NFAT5: variants seen among roughly 807,000 people sequenced by gnomAD.
NFAT5 encodes nuclear factor of activated T-cells 5.
NFAT5 carries 31 observed loss-of-function variants against 166.5 expected under a neutral mutation model. The observed-to-expected ratio is 0.19, with a 90% CI of 0.14 to 0.25. The LOEUF is 0.25. Ranked by LOEUF, NFAT5 falls within the 10% of genes least tolerant of loss-of-function variation. The pLI is 1.00. For synonymous variants in NFAT5, 612 were observed against 639.7 expected (o/e 0.96, Z 0.65); for missense variants, 1,449 against 1,821.8 (o/e 0.80, Z 3.72).
chr16:69,654,893 G>A (rs2035817334), intron 5 of NFAT5, among the ~76,000 whole-genome samples: 1 of 152,106 alleles, frequency 6.6e-6, no homozygotes, highest in East Asian at 1.9e-4. Flanking sequence ...TTCTATATTA[G>A]GAGCTTCAAT....
chr16:69,571,303 CAAA>C (rs1439780117), intron 2 of NFAT5, among the ~76,000 whole-genome samples: 22 of 151,252 alleles, frequency 1.5e-4, no homozygotes, highest in Middle Eastern at 3.4e-3. Flanking sequence ...GACTCTGTCT[CAAA>C]AAAACAACAA....
intron 2 of NFAT5, among the ~76,000 whole-genome samples, chr16:69,606,491 A>T (rs1198166074): frequency 1.3e-5 from 2 of 151,412 alleles, no homozygotes; most frequent in South Asian, 2.1e-4. Flanking sequence ...ATGTTTTTTT[A>T]AACTGTGCAG....
chr16:69,668,388 A>G (rs1481110577), intron 7 of NFAT5, among the ~76,000 whole-genome samples: 1 of 152,202 alleles, frequency 6.6e-6, no homozygotes, highest in Non-Finnish European at 1.5e-5. Flanking sequence ...CTTATCTTAA[A>G]TGCTTAGGAC....
At chr16:69,610,711 C>T (rs2033667209) in intron 2 of NFAT5, among the ~76,000 whole-genome samples, 2 of 152,340 alleles carry the variant, frequency 1.3e-5, no homozygotes, top group South Asian at 2.1e-4. Flanking sequence ...CTGAGGGTTA[C>T]ACCAAATACT....
chr16:69,566,127 A>G lies in NFAT5; in HGVS notation c.-175A>G, dbSNP rs2016015666. The stretch of plus-strand genomic sequence containing the variant: ...CGTGGAGTTCCCCCTCCACCTCGCC[A>G]TCGTTTCCTCGGTCCTCGGCCCAGT... On this transcript the variant is annotated 5_prime_UTR_variant, in exon 1 of 15. Transcript: ENST00000349945. This position sits in a 1 kb window ranked among gnomAD's most constrained non-coding sequence, Gnocchi z 5.7. 1 of 562,188 alleles carries G rather than the reference A, an allele frequency of 1.8e-6. No individual in the cohort carries two copies. Among genetic ancestry groups the G allele is most frequent in the South Asian group, 2.2e-5 (1 of 46,464 alleles). The allele number at this position is 562,188 out of a possible 1,614,324, so 34.8% of individuals were successfully genotyped here.
chr16:69,701,925 A>G lies in NFAT5; in HGVS notation c.*5574A>G, dbSNP rs2037904530. Reference sequence around the variant, plus strand: ...TTATATCTGACTCCCTCCAGACCTAAGATAATTCCTTTTGATCAGATACAG... The same window carrying G: ...TTATATCTGACTCCCTCCAGACCTAGGATAATTCCTTTTGATCAGATACAG... On this transcript the variant is annotated 3_prime_UTR_variant, in exon 15 of 15. Coordinates refer to ENST00000349945, the MANE Select transcript of NFAT5 (RefSeq NM_138713.4). The G allele has an allele frequency of 6.6e-6, 1 of 152,310 alleles. No individual in the cohort carries two copies. 9.4% of individuals were successfully genotyped at this position (152,310 alleles called of 1,614,324 possible).
At chr16:69,584,786 C>T (rs1304350451) in intron 2 of NFAT5, among the ~76,000 whole-genome samples, 1 of 151,820 alleles carries the variant, frequency 6.6e-6, no homozygotes, top group African/African-American at 2.4e-5. Flanking sequence ...GACCCTGTCT[C>T]AAAAATAAAA....
intron 2 of NFAT5, among the ~76,000 whole-genome samples, chr16:69,607,862 A>G (rs936790579): frequency 3.3e-5 from 5 of 151,698 alleles, no homozygotes; most frequent in South Asian, 2.1e-4. Context: ...TACTTTTTCT[A>G]TTTTCCACTC....
At chr16:69,668,061 G>A (rs1465705889) in intron 7 of NFAT5, among the ~76,000 whole-genome samples, 1 of 152,020 alleles carries the variant, frequency 6.6e-6, no homozygotes, top group African/African-American at 2.4e-5. Context: ...CTGCCTCCTG[G>A]GTTCAACCGA....
At chr16:69,586,401 G>A (rs1012424328) in intron 2 of NFAT5, among the ~76,000 whole-genome samples, 1 of 151,816 alleles carries the variant, frequency 6.6e-6, no homozygotes, top group African/African-American at 2.4e-5. Flanking sequence ...TGTTTAGATT[G>A]GAATTTTTTT....
chr16:69,686,566 T>TA (rs1422822840), intron 11 of NFAT5, among the ~76,000 whole-genome samples: 1 of 151,938 alleles, frequency 6.6e-6, no homozygotes, highest in Admixed American at 6.6e-5. Context: ...ACTTTTTTGA[T>TA]AAAAAATTTA....
chr16:69,587,480 C>A (rs765477143), intron 2 of NFAT5, among the ~76,000 whole-genome samples: 7 of 150,888 alleles, frequency 4.6e-5, no homozygotes, highest in East Asian at 1.9e-4. Context: ...CCTCCGCCCC[C>A]CTGTGTTCAA....
At chr16:69,604,435 T>C (rs2033297954) in intron 2 of NFAT5, among the ~76,000 whole-genome samples, 1 of 152,150 alleles carries the variant, frequency 6.6e-6, no homozygotes, top group Non-Finnish European at 1.5e-5. Context: ...TGAGGTTTGT[T>C]GTACAGATAG....
At chr16:69,618,050 TG>T (rs1301955250) in intron 2 of NFAT5, among the ~76,000 whole-genome samples, 3 of 150,700 alleles carry the variant, frequency 2.0e-5, no homozygotes, top group African/African-American at 7.3e-5. Context: ...CCCAGCTATT[TG>T]GGAGGCTGAG....
rs2016021022 is a variant in NFAT5, at chr16:69,566,209, C to T, written c.-93C>T. ...GCAGCCGCCCTCGCGTCGCCGCCCC[C>T]GGTTCGGTGCCCGCGGTCCCGGAGA... is the stretch of plus-strand genomic sequence containing the variant. On this transcript the variant is annotated 5_prime_UTR_variant, in exon 1 of 15. Coordinates refer to ENST00000349945, the MANE Select transcript of NFAT5 (RefSeq NM_138713.4). This position sits in a 1 kb window ranked among gnomAD's most constrained non-coding sequence, Gnocchi z 5.7. 5 of 1,195,552 alleles carry T rather than the reference C, an allele frequency of 4.2e-6. No homozygotes were observed. The highest frequency in any genetic ancestry group is 2.7e-5 in the East Asian group (1 of 37,342). 74.1% of individuals were successfully genotyped at this position (1,195,552 alleles called of 1,614,324 possible). A position where few individuals can be genotyped will look rare whatever the true frequency, so the allele number is the denominator to read the frequency against.
chr16:69,581,753 C>T (rs1367933889), intron 2 of NFAT5, among the ~76,000 whole-genome samples: 2 of 151,944 alleles, frequency 1.3e-5, no homozygotes, highest in Non-Finnish European at 2.9e-5. Flanking sequence ...TGGAGAAATG[C>T]CTATTCAAGG....
chr16:69,619,487 C>CT (rs1332694834), intron 2 of NFAT5, among the ~76,000 whole-genome samples: 1 of 152,056 alleles, frequency 6.6e-6, no homozygotes, highest in African/African-American at 2.4e-5. Context: ...ATGTGTTTTT[C>CT]TTTTTTTACT....
At chr16:69,621,190 G>T (rs2034179484) in intron 2 of NFAT5, among the ~76,000 whole-genome samples, 1 of 151,436 alleles carries the variant, frequency 6.6e-6, no homozygotes, top group Non-Finnish European at 1.5e-5. Flanking sequence ...TTAGAGCACT[G>T]TTAGATACCC....
At chr16:69,628,611 A>G (rs1290769081) in intron 3 of NFAT5, among the ~76,000 whole-genome samples, 1 of 152,234 alleles carries the variant, frequency 6.6e-6, no homozygotes, top group East Asian at 1.9e-4. Flanking sequence ...AGTATATATC[A>G]TTAGAATTAT....
Sources: allele counts gnomAD v4.1 joint callset (sites outside exome capture counted in the v4.1 genomes callset), GRCh38; gene constraint gnomAD v4.1.1; non-coding constraint Gnocchi (gnomAD v3.1); transcripts MANE v1.5; gene names NCBI Gene and HGNC (gene_info 2026-07-23, HGNC 2026-07-21).